The following TAF3 variants were observed in gnomAD, a reference collection of about 807,000 sequenced individuals.
TAF3 encodes the protein TATA-box binding protein associated factor 3.
Under a neutral mutation model 80.6 loss-of-function variants are expected in TAF3, and 7 were observed. The ratio of observed to expected loss-of-function variants is 0.09; its 90% CI spans 0.05 to 0.16. The LOEUF is 0.16. Ranked by LOEUF, TAF3 falls within the 10% of genes least tolerant of loss-of-function variation. The pLI, the probability that TAF3 is intolerant of heterozygous loss-of-function variation, is 1.00. For synonymous variants in TAF3, 444 were observed against 446.1 expected, an observed-to-expected ratio of 1.00 and a Z score of 0.06; for missense variants, 921 against 1,140.2, an observed-to-expected ratio of 0.81 and a Z score of 2.77.
chr10:7,837,957 G>A (rs766926357), intron 2 of TAF3, among the ~76,000 whole-genome samples: 1 of 152,216 alleles, frequency 6.6e-6, no homozygotes, highest in African/African-American at 2.4e-5. Context: ...TAATGTTTGT[G>A]TATGTAAAAG....
intron 2 of TAF3, among the ~76,000 whole-genome samples, chr10:7,893,336 T>A (rs902133127): frequency 6.6e-6 from 1 of 152,232 alleles, no homozygotes; most frequent in East Asian, 1.9e-4. Flanking sequence ...AACTTTTTTT[T>A]AAATCTGTGC....
intron 2 of TAF3, among the ~76,000 whole-genome samples, chr10:7,909,177 G>A (rs1837633004): frequency 6.6e-6 from 1 of 152,240 alleles, no homozygotes. Flanking sequence ...CTCAACTGGA[G>A]CTTGTCATAA....
At chr10:7,876,402 A>G (rs967844795) in intron 2 of TAF3, among the ~76,000 whole-genome samples, 1 of 152,216 alleles carries the variant, frequency 6.6e-6, no homozygotes, top group Non-Finnish European at 1.5e-5. Flanking sequence ...AGGTATTTTC[A>G]ATGAAATGGG....
intron 2 of TAF3, among the ~76,000 whole-genome samples, chr10:7,929,238 A>G (rs1375409685): frequency 7.0e-6 from 1 of 142,590 alleles, no homozygotes; most frequent in Non-Finnish European, 1.5e-5. Context: ...TAATTGAGAG[A>G]AGTAGTTTAT....
At chr10:7,887,887 C>T (rs1242150091) in intron 2 of TAF3, among the ~76,000 whole-genome samples, 1 of 151,994 alleles carries the variant, frequency 6.6e-6, no homozygotes, top group Non-Finnish European at 1.5e-5. Flanking sequence ...TTCTGAGCTC[C>T]AGGCCAGGGA....
At chr10:7,827,969 A>G (rs1390491636) in intron 2 of TAF3, among the ~76,000 whole-genome samples, 1 of 152,030 alleles carries the variant, frequency 6.6e-6, no homozygotes, top group Admixed American at 6.6e-5. Flanking sequence ...AAAATAAAAC[A>G]CATGACAGCG....
intron 2 of TAF3, among the ~76,000 whole-genome samples, chr10:7,933,846 G>A (rs1288315314): frequency 1.3e-5 from 2 of 152,178 alleles, no homozygotes; most frequent in Non-Finnish European, 2.9e-5. Context: ...TATTGGAGAA[G>A]AAAACATGTT....
Position 7,913,706 on chromosome 10 carries a change from A to T in TAF3, c.410-50214A>T, listed in dbSNP as rs533292322. ...GTCCTCTGCTTACATCAACCCATTGATGAATCTTGACATCACTGAAAGTGA... is the reference window on the plus strand; with the variant it reads ...GTCCTCTGCTTACATCAACCCATTGTTGAATCTTGACATCACTGAAAGTGA... On this transcript the variant is annotated intron_variant, in intron 2 of 6. Coordinates refer to ENST00000344293, the MANE Select transcript of TAF3 (RefSeq NM_031923.4). 1.8e-4 allele frequency among the ~76,000 whole-genome samples: 28 copies of T among 152,276 alleles called. No homozygotes were observed. In the East Asian group the frequency reaches 2.1e-3, roughly 12 times the overall value.
In TAF3 at chr10:7,866,599, A is replaced by G. The variant is rs1282765301; in HGVS notation, c.409+42039A>G. On this transcript the variant is annotated intron_variant, in intron 2 of 6. Transcript: ENST00000344293. ...ATCTACTGAGGGAGCGTGGCGTAAG[A>G]TGAAGCAGAGGTCAGTGCTTATCTG... is the stretch of plus-strand genomic sequence containing the variant. Among the ~76,000 whole-genome samples the G allele has an allele frequency of 2.3e-4, 35 of 152,236 alleles. 2 individuals carry two copies. The highest frequency in any genetic ancestry group is 2.2e-3 in the Admixed American group (34 of 15,290).
intron 2 of TAF3, among the ~76,000 whole-genome samples, chr10:7,856,246 C>T (rs1389777768): frequency 1.3e-5 from 2 of 152,170 alleles, no homozygotes; most frequent in Non-Finnish European, 2.9e-5. Flanking sequence ...GAGGCCGAGG[C>T]GGGCGGATCA....
chr10:7,944,386 T>C (rs975699960), intron 2 of TAF3, among the ~76,000 whole-genome samples: 2 of 152,184 alleles, frequency 1.3e-5, no homozygotes, highest in Non-Finnish European at 2.9e-5. Context: ...ATTTTCTAGT[T>C]AGTCAGTAAG....
At chr10:7,970,420 G>T (rs111372573) in intron 3 of TAF3, among the ~76,000 whole-genome samples, 1,658 of 152,330 alleles carry the variant, frequency 0.011, 20 homozygotes, top group Middle Eastern at 0.031. Flanking sequence ...TGCACAGAAA[G>T]GTCGAGTACC....
intron 2 of TAF3, among the ~76,000 whole-genome samples, chr10:7,888,947 C>T (rs79159755): frequency 0.031 from 4,725 of 152,200 alleles, 90 homozygotes; most frequent in African/African-American, 0.067. Context: ...AGAGATTAGC[C>T]CGTGATTGCA....
intron 2 of TAF3, among the ~76,000 whole-genome samples, chr10:7,918,934 C>T (rs865784810): frequency 2.5e-4 from 38 of 152,264 alleles, no homozygotes; most frequent in Middle Eastern, 6.8e-3. Flanking sequence ...ACCTCACCTC[C>T]GGACAGCTTG....
intron 2 of TAF3, among the ~76,000 whole-genome samples, chr10:7,838,322 G>T (rs1449868592): frequency 6.6e-6 from 1 of 152,040 alleles, no homozygotes; most frequent in Non-Finnish European, 1.5e-5. Context: ...GGCCAGGACT[G>T]TCCTAAGCAG....
intron 2 of TAF3, among the ~76,000 whole-genome samples, chr10:7,888,390 TAA>T (rs769982394): frequency 6.6e-6 from 1 of 151,796 alleles, no homozygotes; most frequent in African/African-American, 2.4e-5. Flanking sequence ...TCTAAATTTA[TAA>T]AAAAAAAGTT....
intron 2 of TAF3, among the ~76,000 whole-genome samples, chr10:7,882,078 A>G (rs1837367315): frequency 1.3e-5 from 2 of 152,236 alleles, no homozygotes; most frequent in African/African-American, 4.8e-5. Flanking sequence ...GTGAGTTTTC[A>G]TGAACACAGC....
chr10:7,837,173 G>A (rs1340064274), intron 2 of TAF3, among the ~76,000 whole-genome samples: 2 of 152,186 alleles, frequency 1.3e-5, no homozygotes, highest in African/African-American at 4.8e-5. Context: ...GACCAGCCTG[G>A]CCAACAGGGT....
intron 4 of TAF3, among the ~76,000 whole-genome samples, chr10:8,003,041 T>C (rs1396551175): frequency 6.6e-6 from 1 of 152,206 alleles, no homozygotes; most frequent in Non-Finnish European, 1.5e-5. Context: ...TCAGCCCTTC[T>C]ATTGCTAGAT....
Sources: allele counts gnomAD v4.1 joint callset (sites outside exome capture counted in the v4.1 genomes callset), GRCh38; gene constraint gnomAD v4.1.1; transcripts MANE v1.5; gene names NCBI Gene and HGNC (gene_info 2026-07-23, HGNC 2026-07-21).